The following CYFIP2 variants were observed in gnomAD, a reference collection of about 807,000 sequenced individuals.
CYFIP2 encodes the protein cytoplasmic FMR1-interacting protein 2.
In CYFIP2, 29 loss-of-function variants were observed where a neutral mutation model predicts 158.7. That is an observed-to-expected ratio of 0.18 (90% CI 0.14 to 0.25). The LOEUF is 0.25. CYFIP2 is among the 10% of genes least tolerant of loss of function. The probability of loss-of-function intolerance (pLI) is 1.00; values close to 1 mark genes in which losing one functional copy is unlikely to be tolerated. For missense variants in CYFIP2, 852 were observed against 1,639.5 expected (o/e 0.52, Z 8.29); for synonymous variants, 585 against 617.6 (o/e 0.95, Z 0.78).
At chr5:157,306,419 C>G (rs1418709486) in intron 8 of CYFIP2, among the ~76,000 whole-genome samples, 1 of 152,200 alleles carries the variant, frequency 6.6e-6, no homozygotes, top group Non-Finnish European at 1.5e-5. Flanking sequence ...CCTTCAAATT[C>G]TCCAGCCCCC....
chr5:157,319,749 T>C lies in CYFIP2; in HGVS notation c.1357-13T>C. The C allele has an allele frequency of 6.2e-7, 1 of 1,613,738 alleles. No individual in the cohort carries two copies. Among genetic ancestry groups the C allele is most frequent in the Non-Finnish European group, 8.5e-7 (1 of 1,179,704 alleles). The stretch of plus-strand genomic sequence containing the variant: ...GACATGGTGAACATGACCCTTGGCC[T>C]CTTCCTGCCCAGGTGATCGCCATGA... On this transcript the variant is annotated splice_polypyrimidine_tract_variant and intron_variant, in intron 13 of 30. Transcript: ENST00000620254.
At position 157,395,201 on chromosome 5, in the gene CYFIP2, T is replaced by G. The variant is rs1767644720; in HGVS notation, c.*2201T>G. On this transcript the variant is annotated 3_prime_UTR_variant, in exon 31 of 31. Transcript: ENST00000620254. Reference sequence around the variant, plus strand: ...AGCAGAAAGATTTCATTTCCCTGGCTTGCCAGTGGCACTGATTTCCGAACA... The same window carrying G: ...AGCAGAAAGATTTCATTTCCCTGGCGTGCCAGTGGCACTGATTTCCGAACA... The G allele has an allele frequency of 4.6e-6, 1 of 217,376 alleles. No individual in the cohort carries two copies. The highest frequency in any genetic ancestry group is 9.0e-6 in the Non-Finnish European group (1 of 110,540). 13.5% of individuals were successfully genotyped at this position (217,376 alleles called of 1,614,324 possible).
intron 13 of CYFIP2, among the ~76,000 whole-genome samples, chr5:157,318,024 C>T (rs898471256): frequency 6.6e-6 from 1 of 152,164 alleles, no homozygotes. Flanking sequence ...ATATCTTCCT[C>T]TGTGAAGTAT....
intron 21 of CYFIP2, among the ~76,000 whole-genome samples, chr5:157,334,192 T>C (rs1761691596): frequency 6.6e-6 from 1 of 152,218 alleles, no homozygotes; most frequent in Non-Finnish European, 1.5e-5. Context: ...TACTGCATGA[T>C]TTCTCTTATA....
chr5:157,381,743 G>T (rs893137989), intron 26 of CYFIP2, among the ~76,000 whole-genome samples: 3 of 152,012 alleles, frequency 2.0e-5, no homozygotes, highest in African/African-American at 7.2e-5. Flanking sequence ...TTCCATCCAT[G>T]CCCGGGGTAG....
chr5:157,321,002 G>C (rs1456275342), intron 15 of CYFIP2, among the ~76,000 whole-genome samples, 200 bp downstream of exon 15: 2 of 152,220 alleles, frequency 1.3e-5, no homozygotes, highest in African/African-American at 4.8e-5. Context: ...CAGGAGACCT[G>C]GATTCTAGTC....
chr5:157,384,210 T>G, intron 28 of CYFIP2: 1 of 445,582 alleles, frequency 2.2e-6, no homozygotes, highest in Non-Finnish European at 4.5e-6. Flanking sequence ...ACAGGACCCC[T>G]GCCTTCAGAG....
At chr5:157,365,318 T>C (rs2113396152) in intron 26 of CYFIP2, 1 of 152,334 alleles carries the variant, frequency 6.6e-6, no homozygotes, top group South Asian at 2.1e-4. Flanking sequence ...ATTTTACTTT[T>C]CCATTTTTTG....
At chr5:157,286,120 A>T (rs961962481) in intron 2 of CYFIP2, among the ~76,000 whole-genome samples, 1 of 152,166 alleles carries the variant, frequency 6.6e-6, no homozygotes, top group Non-Finnish European at 1.5e-5. Flanking sequence ...AATACATAAT[A>T]AATTCTTAAA....
In CYFIP2 at chr5:157,296,757, A is replaced by C. The variant is rs1231011270; in HGVS notation, c.370A>C (p.Lys124Gln). 6 of 1,613,464 alleles carry C rather than the reference A, an allele frequency of 3.7e-6. No homozygotes were observed. In the Admixed American group the frequency reaches 8.3e-5, roughly 22 times the overall value. Reference sequence around the variant, plus strand: ...GGAGCCGGAGGTCACCAAGCTCATGAAGTTCATGTATTTTCAGGTGAGTGG... The same window carrying C: ...GGAGCCGGAGGTCACCAAGCTCATGCAGTTCATGTATTTTCAGGTGAGTGG... Reference protein sequence around the residue: ...VLEPEVTKLMKFMYFQRKAIE... With the variant: ...VLEPEVTKLMQFMYFQRKAIE... Residue 124 changes from lysine (K) to glutamine (Q), a missense_variant, in exon 5 of 31, where the codon AAG (lysine) becomes CAG (glutamine). Lys to Gln is a moderately conservative substitution (Grantham distance 53). This residue lies in a region of CYFIP2 where 123 missense variants were observed against 316.7 expected (regional missense o/e 0.39). Coordinates refer to ENST00000620254, the MANE Select transcript of CYFIP2 (RefSeq NM_001037333.3).
chr5:157,321,199 C>G (rs1760564528), intron 15 of CYFIP2, among the ~76,000 whole-genome samples: 1 of 152,260 alleles, frequency 6.6e-6, no homozygotes, highest in African/African-American at 2.4e-5. Flanking sequence ...TGCTGCCCCT[C>G]TTTAATAAGT....
At chr5:157,337,509 C>T (rs1761945259) in intron 21 of CYFIP2, among the ~76,000 whole-genome samples, 1 of 152,180 alleles carries the variant, frequency 6.6e-6, no homozygotes, top group African/African-American at 2.4e-5. Context: ...GTCTCTTTAG[C>T]CATGTGTGTT....
intron 4 of CYFIP2, among the ~76,000 whole-genome samples, chr5:157,295,967 T>A (rs1443048089): frequency 6.6e-6 from 1 of 152,140 alleles, no homozygotes; most frequent in Non-Finnish European, 1.5e-5. Flanking sequence ...TTGTCCCAGG[T>A]GTATCCAGAA....
intron 23 of CYFIP2, among the ~76,000 whole-genome samples, chr5:157,346,015 C>T (rs1313532700): frequency 6.6e-6 from 1 of 152,216 alleles, no homozygotes; most frequent in Non-Finnish European, 1.5e-5. Flanking sequence ...TCTTCATCCC[C>T]TCCCACCCCT....
chr5:157,311,221 T>A lies in CYFIP2; in HGVS notation c.993-443T>A. ...GAAAAGAGGCACAGTCACATTCATA[T>A]TTCCGCAATCCCAGCCCAAAGGCCC... On this transcript the variant is annotated intron_variant, in intron 10 of 30. Coordinates refer to ENST00000620254, the MANE Select transcript of CYFIP2 (RefSeq NM_001037333.3). The surrounding 1 kb of genome is among the most constrained non-coding windows in gnomAD (Gnocchi z 4.7). 2.5e-6 allele frequency: 1 copy of A among 393,418 alleles called. No individual in the cohort carries two copies. The highest frequency in any genetic ancestry group is 2.1e-5 in the African/African-American group (1 of 48,178). The allele number at this position is 393,418 out of a possible 1,614,324, so 24.4% of individuals were successfully genotyped here.
intron 11 of CYFIP2, among the ~76,000 whole-genome samples, chr5:157,312,876 T>A (rs1054718166): frequency 5.3e-5 from 8 of 152,354 alleles, no homozygotes; most frequent in South Asian, 2.1e-4. Context: ...AAATTTTTTT[T>A]AATATTTTAT....
intron 21 of CYFIP2, among the ~76,000 whole-genome samples, chr5:157,338,771 C>T (rs1236608653): frequency 3.9e-5 from 6 of 152,206 alleles, no homozygotes. Context: ...GGGATTTGCA[C>T]ATGGTCTATG....
chr5:157,392,685 A>C, intron 30 of CYFIP2, 148 bp from the exon 31 acceptor site: 1 of 855,382 alleles, frequency 1.2e-6, no homozygotes, highest in East Asian at 2.5e-5. Context: ...CTTGATTGCC[A>C]GATCCAGGGG....
At chr5:157,297,598 A>G (rs1226734663) in intron 5 of CYFIP2, among the ~76,000 whole-genome samples, 1 of 152,202 alleles carries the variant, frequency 6.6e-6, no homozygotes, top group African/African-American at 2.4e-5. Flanking sequence ...CAGGGCCAAG[A>G]GAGAAGAACT....
Sources: gnomAD v4.1 joint callset for allele counts (sites outside exome capture counted in the v4.1 genomes callset) on GRCh38, gnomAD v4.1.1 for gene constraint, gnomAD v4.1.1 regional missense constraint, Gnocchi (gnomAD v3.1) non-coding constraint, MANE v1.5 for transcripts, NCBI Gene and HGNC (gene_info 2026-07-23, HGNC 2026-07-21) for gene names.